Variants in ARID1B observed in about 807,000 individuals in gnomAD.
ARID1B encodes AT-rich interactive domain-containing protein 1B.
In ARID1B, 30 loss-of-function variants were observed where a neutral mutation model predicts 212.3. The observed-to-expected ratio is 0.14, with a 90% CI of 0.11 to 0.19. The LOEUF (loss-of-function observed/expected upper bound fraction) is 0.19, where lower values mean the gene tolerates loss of function less well. ARID1B is among the 10% of genes least tolerant of loss of function. ARID1B has a pLI of 1.00. For missense variants in ARID1B, 2,891 were observed against 3,204.0 expected, an observed-to-expected ratio of 0.90 and a Z score of 2.36; for synonymous variants, 1,402 against 1,301.7, an observed-to-expected ratio of 1.08 and a Z score of -1.66.
intron 4 of ARID1B, among the ~76,000 whole-genome samples, chr6:156,980,414 TGGAGGTA>T (rs1327687923): frequency 1.3e-5 from 2 of 151,396 alleles, no homozygotes; most frequent in Admixed American, 1.3e-4. Context: ...ACCTGGGAGG[TGGAGGTA>T]GCAGTGAGCC....
chr6:156,821,951 G>A (rs1412904203), intron 1 of ARID1B, among the ~76,000 whole-genome samples: 2 of 152,104 alleles, frequency 1.3e-5, no homozygotes, highest in African/African-American at 4.8e-5. Flanking sequence ...AGAGGGCACC[G>A]ATAATTTCAT....
At chr6:157,042,064 G>T (rs180691841) in intron 4 of ARID1B, among the ~76,000 whole-genome samples, 1 of 152,254 alleles carries the variant, frequency 6.6e-6, no homozygotes, top group East Asian at 1.9e-4. Flanking sequence ...CCTCTTCACA[G>T]ACAGGCAGTA....
intron 1 of ARID1B, among the ~76,000 whole-genome samples, chr6:156,779,960 C>T (rs866118864): frequency 6.6e-6 from 1 of 152,184 alleles, no homozygotes; most frequent in East Asian, 1.9e-4. Flanking sequence ...ACAGCACGTT[C>T]CCTCTTGGCT....
At chr6:156,864,103 T>C (rs1785518773) in intron 2 of ARID1B, among the ~76,000 whole-genome samples, 1 of 152,340 alleles carries the variant, frequency 6.6e-6, no homozygotes, top group Admixed American at 6.5e-5. Context: ...TAGAACACAG[T>C]AGACTGGAAA....
intron 2 of ARID1B, among the ~76,000 whole-genome samples, chr6:156,897,867 G>A (rs750781082): frequency 3.9e-5 from 6 of 152,070 alleles, no homozygotes; most frequent in Non-Finnish European, 8.8e-5. Flanking sequence ...TCCTTGATTC[G>A]TTAAAATTTT....
intron 11 of ARID1B, chr6:157,175,878 C>A (rs868572334): frequency 5.3e-4 from 78 of 146,896 alleles, no homozygotes; most frequent in African/African-American, 1.6e-3. Flanking sequence ...AAAAAAAAAA[C>A]AACATGCAAT....
chr6:157,125,780 G>A (rs1040367566), intron 6 of ARID1B, among the ~76,000 whole-genome samples: 3 of 152,194 alleles, frequency 2.0e-5, no homozygotes, highest in Non-Finnish European at 4.4e-5. Flanking sequence ...GCCTGTGCTT[G>A]GCTCATTCAT....
chr6:156,808,681 C>T (rs1216582345), intron 1 of ARID1B, among the ~76,000 whole-genome samples: 2 of 152,126 alleles, frequency 1.3e-5, no homozygotes, highest in African/African-American at 4.8e-5. Flanking sequence ...CTACATGCCA[C>T]TATGAAAATT....
At chr6:156,996,754 G>A (rs1778613772) in intron 4 of ARID1B, among the ~76,000 whole-genome samples, 1 of 152,120 alleles carries the variant, frequency 6.6e-6, no homozygotes, top group Non-Finnish European at 1.5e-5. Context: ...GATTTTTGCT[G>A]TATAACAATT....
At chr6:156,797,148 C>CCACACACT (rs1483966185) in intron 1 of ARID1B, among the ~76,000 whole-genome samples, 1 of 152,018 alleles carries the variant, frequency 6.6e-6, no homozygotes, top group Non-Finnish European at 1.5e-5. Context: ...CTATTCAGTG[C>CCACACACT]CTGCTGTGTG....
At position 157,190,013 on chromosome 6, in the gene ARID1B, G is replaced by C; in HGVS notation, c.4059-25G>C. ...GAGGTAACTCCTGCTGTATCATTAA[G>C]CTTTCATTCTTTGCCTCTCTTCAGA... is the stretch of plus-strand genomic sequence containing the variant. On this transcript the variant is annotated intron_variant, in intron 14 of 19. Transcript: ENST00000636930. The surrounding 1 kb of genome is among the most constrained non-coding windows in gnomAD (Gnocchi z 4.6). 1 of 1,611,332 alleles carries C rather than the reference G, an allele frequency of 6.2e-7. No individual in the cohort carries two copies. The highest frequency in any genetic ancestry group is 1.1e-5 in the South Asian group (1 of 90,520).
intron 3 of ARID1B, among the ~76,000 whole-genome samples, chr6:156,934,941 T>TATATAC (rs1792062691): frequency 1.1e-5 from 1 of 88,538 alleles, no homozygotes; most frequent in Non-Finnish European, 2.5e-5. Context: ...TATATATATA[T>TATATAC]ATATATATAT....
chr6:157,130,560 A>T (rs1788479280), intron 6 of ARID1B, among the ~76,000 whole-genome samples: 1 of 152,254 alleles, frequency 6.6e-6, no homozygotes, highest in South Asian at 2.1e-4. Context: ...GCCCAATTTC[A>T]TAAGGCTTAT....
intron 2 of ARID1B, among the ~76,000 whole-genome samples, chr6:156,890,188 C>T (rs1192713149): frequency 1.3e-5 from 2 of 152,166 alleles, no homozygotes; most frequent in African/African-American, 4.8e-5. Flanking sequence ...ATTCACTCCG[C>T]AGAACATTGG....
In ARID1B at chr6:157,171,117, G is replaced by A. The variant is rs1453557668; in HGVS notation, c.3236-2891G>A. ...AGTGTTGAAGTTCGGTTTGACTCATGTCATGTGTTCTTTACGTTCCTTTTG... is the reference window on the plus strand; with the variant it reads ...AGTGTTGAAGTTCGGTTTGACTCATATCATGTGTTCTTTACGTTCCTTTTG... On this transcript the variant is annotated intron_variant, in intron 9 of 19. Transcript: ENST00000636930. Among the ~76,000 whole-genome samples, 7 of 152,372 alleles carry A rather than the reference G, an allele frequency of 4.6e-5. No homozygotes were observed. The South Asian group carries it at 8.3e-4, about 18-fold the overall frequency.
intron 7 of ARID1B, among the ~76,000 whole-genome samples, chr6:157,137,035 G>A (rs1788966452): frequency 6.6e-6 from 1 of 152,012 alleles, no homozygotes; most frequent in African/African-American, 2.4e-5. Context: ...AAAAAAATTA[G>A]CCAGTTGTGA....
intron 2 of ARID1B, among the ~76,000 whole-genome samples, chr6:156,872,043 T>C (rs1267451263): frequency 6.6e-6 from 1 of 152,242 alleles, no homozygotes; most frequent in Non-Finnish European, 1.5e-5. Context: ...TATTGTACGC[T>C]GACATATTGT....
intron 4 of ARID1B, chr6:156,942,888 A>G (rs924147667): frequency 1.3e-5 from 2 of 152,240 alleles, no homozygotes; most frequent in Non-Finnish European, 2.9e-5. Context: ...ACAGATTTTC[A>G]CTTCGCAGGT....
At chr6:156,813,222 GC>G (rs1781734959) in intron 1 of ARID1B, among the ~76,000 whole-genome samples, 1 of 150,128 alleles carries the variant, frequency 6.7e-6, no homozygotes, top group Non-Finnish European at 1.5e-5. Flanking sequence ...TCCTGACTCA[GC>G]CTCCCGAGTA....
Sources: allele counts gnomAD v4.1 joint callset (sites outside exome capture counted in the v4.1 genomes callset), GRCh38; gene constraint gnomAD v4.1.1; non-coding constraint Gnocchi (gnomAD v3.1); transcripts MANE v1.5; gene names NCBI Gene and HGNC (gene_info 2026-07-23, HGNC 2026-07-21).